Variants in DNAI7 observed in about 807,000 individuals in gnomAD.
DNAI7 encodes the protein dynein axonemal intermediate chain 7.
In DNAI7, 78 loss-of-function variants were observed where a neutral mutation model predicts 86.6. The observed-to-expected ratio is 0.90, with a 90% CI of 0.75 to 1.09. The LOEUF is 1.09. Among genes scored for constraint, DNAI7 ranks in the 50% least tolerant of loss-of-function variants. DNAI7 has a pLI of 0.00. For synonymous variants in DNAI7, 274 were observed against 273.0 expected (o/e 1.00, Z -0.04); for missense variants, 753 against 810.2 (o/e 0.93, Z 0.86).
chr12:25,136,227 C>T (rs1943537276), intron 9 of DNAI7, among the ~76,000 whole-genome samples: 1 of 152,232 alleles, frequency 6.6e-6, no homozygotes, highest in Non-Finnish European at 1.5e-5. Context: ...AGATGAATTA[C>T]ATCACACGAC....
intron 8 of DNAI7, among the ~76,000 whole-genome samples, chr12:25,146,536 G>T (rs1437635762): frequency 6.6e-6 from 1 of 150,576 alleles, no homozygotes. Flanking sequence ...GGAGGCAAAG[G>T]CTGTAGTGAG....
intron 12 of DNAI7, among the ~76,000 whole-genome samples, chr12:25,118,564 G>A (rs778008535): frequency 6.6e-6 from 1 of 151,364 alleles, no homozygotes; most frequent in Non-Finnish European, 1.5e-5. Flanking sequence ...CGCCTGGCCT[G>A]TTTGTTTTTT....
chr12:25,139,052 A>G (rs995406973), intron 9 of DNAI7, among the ~76,000 whole-genome samples: 4 of 152,146 alleles, frequency 2.6e-5, no homozygotes, highest in Non-Finnish European at 5.9e-5. Context: ...AGAAATACAA[A>G]AGATCATTCA....
At chr12:25,126,816 A>G (rs528898557) in intron 9 of DNAI7, among the ~76,000 whole-genome samples, 1 of 152,322 alleles carries the variant, frequency 6.6e-6, no homozygotes, top group African/African-American at 2.4e-5. Flanking sequence ...CAAAGATATC[A>G]GACCAATAGG....
intron 8 of DNAI7, among the ~76,000 whole-genome samples, chr12:25,145,219 T>C (rs903791200): frequency 1.3e-5 from 2 of 152,176 alleles, no homozygotes; most frequent in African/African-American, 4.8e-5. Context: ...GAAGAACCAT[T>C]GGTCTATATG....
chr12:25,146,066 T>C (rs1011638083), intron 8 of DNAI7, among the ~76,000 whole-genome samples: 16 of 151,234 alleles, frequency 1.1e-4, no homozygotes, highest in African/African-American at 3.9e-4. Flanking sequence ...CTACTAAAAA[T>C]ACAAAATTAG....
At chr12:25,164,542 G>A (rs181591558) in intron 2 of DNAI7, among the ~76,000 whole-genome samples, 1 of 152,198 alleles carries the variant, frequency 6.6e-6, no homozygotes, top group East Asian at 1.9e-4. Context: ...AAACTTGACA[G>A]TAGTTCCAAA....
chr12:25,178,728 G>A (rs1949217310), intron 2 of DNAI7, among the ~76,000 whole-genome samples: 1 of 152,152 alleles, frequency 6.6e-6, no homozygotes, highest in South Asian at 2.1e-4. Context: ...GATGGCTGGT[G>A]TAGTTGTGAA....
intron 9 of DNAI7, among the ~76,000 whole-genome samples, chr12:25,131,938 A>C (rs945658846): frequency 1.3e-5 from 2 of 152,126 alleles, no homozygotes; most frequent in African/African-American, 4.8e-5. Flanking sequence ...AATTATAATA[A>C]TTAAACAGAA....
chr12:25,167,578 G>A (rs192270060), intron 2 of DNAI7, among the ~76,000 whole-genome samples: 3 of 151,876 alleles, frequency 2.0e-5, no homozygotes, highest in Non-Finnish European at 2.9e-5. Context: ...GCGAACAACC[G>A]CTGGCTTTGC....
At chr12:25,165,690 G>A (rs945765879) in intron 2 of DNAI7, among the ~76,000 whole-genome samples, 4 of 152,168 alleles carry the variant, frequency 2.6e-5, no homozygotes, top group Non-Finnish European at 5.9e-5. Context: ...TCTCACAGTG[G>A]AGAGTAAGTC....
In DNAI7 at chr12:25,171,781, C is replaced by A. The variant is rs141940488; in HGVS notation, c.22-10584G>T. Among the ~76,000 whole-genome samples the A allele has an allele frequency of 6.2e-3, 941 of 152,250 alleles. 10 individuals carry two copies. Among genetic ancestry groups the A allele is most frequent in the African/African-American group, 0.021 (880 of 41,562 alleles). ...CAAAAAGATAATTCACCATGACCAG[C>A]TGGGTTTCATACCAGGGATGCAGGG... On this transcript the variant is annotated intron_variant, in intron 2 of 15. Transcript: ENST00000395987.
At position 25,186,670 on chromosome 12, in the gene DNAI7, C is replaced by A. The variant is rs142692303; in HGVS notation, c.21+3944G>T. ...TGTTTCGAATTGTCTAAAGGTTTCACATCCCAGTCCCAAGGGCAAAGAATC... is the reference window on the plus strand; with the variant it reads ...TGTTTCGAATTGTCTAAAGGTTTCAAATCCCAGTCCCAAGGGCAAAGAATC... On this transcript the variant is annotated intron_variant, in intron 2 of 15. Transcript: ENST00000395987. Among the ~76,000 whole-genome samples the A allele has an allele frequency of 2.6e-5, 4 of 152,272 alleles. No individual in the cohort carries two copies. The East Asian group carries it at 7.7e-4, about 29-fold the overall frequency.
At chr12:25,152,961 A>G (rs1026999663) in intron 6 of DNAI7, among the ~76,000 whole-genome samples, 1 of 152,200 alleles carries the variant, frequency 6.6e-6, no homozygotes, top group Non-Finnish European at 1.5e-5. Flanking sequence ...GAAAATTTTC[A>G]GCCATTATCT....
At chr12:25,114,940 C>A in intron 12 of DNAI7, 70 bp from the exon 13 acceptor site, 1 of 1,195,580 alleles carries the variant, frequency 8.4e-7, no homozygotes, top group South Asian at 1.4e-5. Flanking sequence ...AATGAAAGCA[C>A]CAAAAAAATT....
intron 2 of DNAI7, among the ~76,000 whole-genome samples, chr12:25,174,437 A>G (rs1422564134): frequency 2.2e-5 from 2 of 90,526 alleles, no homozygotes; most frequent in Non-Finnish European, 4.4e-5. Context: ...CATATATATC[A>G]TATATATGGG....
intron 2 of DNAI7, among the ~76,000 whole-genome samples, chr12:25,171,074 AAAC>A (rs1948082040): frequency 6.6e-6 from 1 of 152,178 alleles, no homozygotes; most frequent in African/African-American, 2.4e-5. Flanking sequence ...GTAACTAGAA[AAAC>A]AAGAGCAAAC....
At chr12:25,130,316 G>A (rs926921453) in intron 9 of DNAI7, among the ~76,000 whole-genome samples, 5 of 151,352 alleles carry the variant, frequency 3.3e-5, no homozygotes, top group African/African-American at 1.2e-4. Context: ...GGCAGGCAGA[G>A]CACAAGGTCA....
At chr12:25,145,482 T>C (rs574464061) in intron 8 of DNAI7, among the ~76,000 whole-genome samples, 1 of 152,324 alleles carries the variant, frequency 6.6e-6, no homozygotes, top group African/African-American at 2.4e-5. Context: ...TTATTTTTAT[T>C]CTTTTAAAAC....
Sources: allele counts gnomAD v4.1 joint callset (sites outside exome capture counted in the v4.1 genomes callset), GRCh38; gene constraint gnomAD v4.1.1; transcripts MANE v1.5; gene names NCBI Gene and HGNC (gene_info 2026-07-23, HGNC 2026-07-21).